Variants in GRIK2 observed in about 807,000 individuals in gnomAD.
GRIK2 encodes glutamate ionotropic receptor kainate type subunit 2.
Under a neutral mutation model 100.3 loss-of-function variants are expected in GRIK2, and 32 were observed. That is an observed-to-expected ratio of 0.32 (90% CI 0.24 to 0.43). The LOEUF (loss-of-function observed/expected upper bound fraction) is 0.43, where lower values mean the gene tolerates loss of function less well. Ranked by LOEUF, GRIK2 falls within the 20% of genes least tolerant of loss-of-function variation. The probability of loss-of-function intolerance (pLI) is 1.00; values close to 1 mark genes in which losing one functional copy is unlikely to be tolerated. For missense variants in GRIK2, 843 were observed against 1,114.9 expected, an observed-to-expected ratio of 0.76 and a Z score of 3.47; for synonymous variants, 417 against 389.4, an observed-to-expected ratio of 1.07 and a Z score of -0.83.
At chr6:101,428,366 T>C (rs1339425901) in intron 2 of GRIK2, among the ~76,000 whole-genome samples, 1 of 152,148 alleles carries the variant, frequency 6.6e-6, no homozygotes, top group East Asian at 1.9e-4. Flanking sequence ...TACAGATATT[T>C]TTACAGAATT....
At chr6:101,828,204 G>C (rs1327438940) in intron 10 of GRIK2, among the ~76,000 whole-genome samples, 1 of 151,768 alleles carries the variant, frequency 6.6e-6, no homozygotes, top group Non-Finnish European at 1.5e-5. Context: ...GAAATTAAGG[G>C]AGAAATTTAA....
chr6:101,579,648 C>A (rs536403278), intron 2 of GRIK2, among the ~76,000 whole-genome samples: 20 of 151,996 alleles, frequency 1.3e-4, no homozygotes, highest in Admixed American at 3.9e-4. Context: ...GTCAAGAGAT[C>A]AAGGCCATCC....
intron 7 of GRIK2, among the ~76,000 whole-genome samples, chr6:101,738,972 A>G (rs185573982): frequency 1.8e-4 from 28 of 152,360 alleles, no homozygotes; most frequent in Middle Eastern, 6.8e-3. Context: ...TCTCAAGGAC[A>G]GCAGTCTGCA....
intron 14 of GRIK2, among the ~76,000 whole-genome samples, chr6:102,033,336 C>T (rs915422241): frequency 2.0e-5 from 3 of 151,200 alleles, no homozygotes; most frequent in African/African-American, 7.3e-5. Flanking sequence ...CAACTTATTT[C>T]TTCTGGTTTT....
chr6:102,050,562 A>T (rs889282310), intron 15 of GRIK2, among the ~76,000 whole-genome samples: 1 of 151,030 alleles, frequency 6.6e-6, no homozygotes, highest in Non-Finnish European at 1.5e-5. Context: ...TAGGAGAATC[A>T]CTTGAAACTG....
At chr6:101,499,176 CT>C (rs1164121761) in intron 2 of GRIK2, among the ~76,000 whole-genome samples, 1 of 152,034 alleles carries the variant, frequency 6.6e-6, no homozygotes, top group Non-Finnish European at 1.5e-5. Context: ...TTTATTAATA[CT>C]GTTATAAATA....
chr6:101,682,422 C>A, intron 5 of GRIK2, 131 bp from the exon 6 acceptor site: 1 of 626,928 alleles, frequency 1.6e-6, no homozygotes, highest in African/African-American at 1.9e-5. Flanking sequence ...TTAGTTTAAC[C>A]TAATTGTATG....
chr6:101,433,149 T>C lies in GRIK2; in HGVS notation c.115+33757T>C, dbSNP rs532548029. On this transcript the variant is annotated intron_variant, in intron 2 of 16. Transcript: ENST00000369134. Reference sequence around the variant, plus strand: ...CCCAAGAGATTTTTTTTCTGTAAAATGAAGGTAATAATAACTACTCTTGTT... The same window carrying C: ...CCCAAGAGATTTTTTTTCTGTAAAACGAAGGTAATAATAACTACTCTTGTT... 6.6e-5 allele frequency among the ~76,000 whole-genome samples: 10 copies of C among 152,184 alleles called. No homozygotes were observed. In the East Asian group the frequency reaches 1.7e-3, roughly 26 times the overall value.
At chr6:101,879,421 T>C (rs1786090227) in intron 11 of GRIK2, among the ~76,000 whole-genome samples, 1 of 151,962 alleles carries the variant, frequency 6.6e-6, no homozygotes, top group Non-Finnish European at 1.5e-5. Context: ...ATATGCACCA[T>C]TTATTTTGGG....
At chr6:101,655,515 G>A (rs1782013392) in intron 4 of GRIK2, among the ~76,000 whole-genome samples, 1 of 152,008 alleles carries the variant, frequency 6.6e-6, no homozygotes, top group Non-Finnish European at 1.5e-5. Context: ...ATTTGCTTAA[G>A]TCTCTGTGCC....
chr6:101,442,798 A>G (rs1770152753), intron 2 of GRIK2, among the ~76,000 whole-genome samples: 1 of 152,184 alleles, frequency 6.6e-6, no homozygotes, highest in Non-Finnish European at 1.5e-5. Flanking sequence ...AACTATTCAC[A>G]AAAGTAGGGA....
At chr6:101,402,874 G>GC (rs553169935) in intron 2 of GRIK2, among the ~76,000 whole-genome samples, 25 of 152,334 alleles carry the variant, frequency 1.6e-4, no homozygotes, top group African/African-American at 5.5e-4. Flanking sequence ...GGCCTTGCCC[G>GC]CCCCAGGATA....
chr6:101,541,065 A>C (rs1345680250), intron 2 of GRIK2, among the ~76,000 whole-genome samples: 1 of 152,028 alleles, frequency 6.6e-6, no homozygotes, highest in African/African-American at 2.4e-5. Context: ...TCTCAGTAGT[A>C]GAATTTGCAG....
At chr6:102,035,885 A>G (rs1770242435) in intron 15 of GRIK2, among the ~76,000 whole-genome samples, 2 of 151,452 alleles carry the variant, frequency 1.3e-5, no homozygotes, top group Admixed American at 6.6e-5. Flanking sequence ...TGAGTACACT[A>G]AAGTTTTTGT....
In GRIK2 at chr6:101,928,535, G is replaced by A. The variant is rs1224138363; in HGVS notation, c.1988G>A (p.Arg663His). 3.7e-6 allele frequency: 6 copies of A among 1,602,480 alleles called. No individual in the cohort carries two copies. The highest frequency in any genetic ancestry group is 3.3e-5 in the Admixed American group (2 of 59,940). Residue 663 changes from arginine (R) to histidine (H), a missense_variant, in exon 14 of 17, where the codon CGC becomes CAC. Physicochemically the swap from Arg to His is conservative, Grantham distance 29. Around this residue, in one of 3 missense-constraint regions of GRIK2, gnomAD observed 237 missense variants for 388.0 expected, o/e 0.61. Transcript: ENST00000369134. ...ANLAAFLTVERMESPIDSADD... is the reference protein window; with the variant it reads ...ANLAAFLTVEHMESPIDSADD... ...TTAGCCGCCTTTCTGACAGTGGAAC[G>A]CATGGAATCCCCTATTGACTCTGCT...
At chr6:101,715,055 C>A (rs897983912) in intron 7 of GRIK2, among the ~76,000 whole-genome samples, 1 of 151,074 alleles carries the variant, frequency 6.6e-6, no homozygotes, top group African/African-American at 2.4e-5. Context: ...GAAAAGGAAC[C>A]ATATAAAATA....
intron 7 of GRIK2, among the ~76,000 whole-genome samples, chr6:101,711,747 A>C (rs1773708605): frequency 6.6e-6 from 1 of 151,848 alleles, no homozygotes; most frequent in Non-Finnish European, 1.5e-5. Flanking sequence ...AATTCTGTTA[A>C]GGTCTAAACT....
chr6:101,676,258 T>A (rs1473483618), intron 4 of GRIK2, among the ~76,000 whole-genome samples: 1 of 152,174 alleles, frequency 6.6e-6, no homozygotes, highest in Non-Finnish European at 1.5e-5. Context: ...TTACTCTATG[T>A]CTTTTTATAC....
chr6:101,488,751 C>A (rs1240750126), intron 2 of GRIK2, among the ~76,000 whole-genome samples: 1 of 145,910 alleles, frequency 6.9e-6, no homozygotes, highest in Non-Finnish European at 1.5e-5. Context: ...TTTTTTAATG[C>A]TTCTATTTAA....
Sources: allele counts gnomAD v4.1 joint callset (sites outside exome capture counted in the v4.1 genomes callset), GRCh38; gene constraint gnomAD v4.1.1; regional missense constraint gnomAD v4.1.1; transcripts MANE v1.5; gene names NCBI Gene and HGNC (gene_info 2026-07-23, HGNC 2026-07-21).